Variants in CFAP299 observed in about 807,000 individuals in gnomAD.
CFAP299 encodes the protein cilia and flagella associated protein 299, also known as cilia- and flagella-associated protein 299.
A neutral mutation model predicts 27.0 loss-of-function variants in CFAP299; 21 were observed. The observed-to-expected ratio is 0.78, with a 90% CI of 0.55 to 1.12. CFAP299 has a LOEUF of 1.12. Ranked by LOEUF, CFAP299 falls within the 50% of genes most tolerant of loss-of-function variation. CFAP299 has a pLI of 0.00. For synonymous variants in CFAP299, 104 were observed against 98.1 expected, an observed-to-expected ratio of 1.06 and a Z score of -0.36; for missense variants, 310 against 276.6, an observed-to-expected ratio of 1.12 and a Z score of -0.86.
chr4:80,918,475 C>A (rs1032194303), intron 4 of CFAP299, among the ~76,000 whole-genome samples: 1 of 151,902 alleles, frequency 6.6e-6, no homozygotes, highest in Non-Finnish European at 1.5e-5. Context: ...TGTGTTTTCC[C>A]GACAATGTTC....
At chr4:80,602,834 A>G (rs912945279) in intron 3 of CFAP299, among the ~76,000 whole-genome samples, 1 of 152,146 alleles carries the variant, frequency 6.6e-6, no homozygotes, top group African/African-American at 2.4e-5. Context: ...ATGAGGCATT[A>G]CTGACTCAAG....
At chr4:80,934,117 T>C (rs140153237) in intron 4 of CFAP299, among the ~76,000 whole-genome samples, 2 of 152,244 alleles carry the variant, frequency 1.3e-5, no homozygotes, top group East Asian at 1.9e-4. Context: ...TATTACTTTA[T>C]TGAGAGTTTT....
intron 2 of CFAP299, among the ~76,000 whole-genome samples, chr4:80,390,610 CAT>C (rs1416961189): frequency 3.5e-5 from 1 of 28,686 alleles, no homozygotes; most frequent in Non-Finnish European, 7.2e-5. Flanking sequence ...TGTATACACA[CAT>C]ATGTATATAT....
In CFAP299 at chr4:80,362,793, C is replaced by G; in HGVS notation, c.151C>G (p.Arg51Gly). ...CCGCCAGTTGGTGGAGCTAGGCTACCGAGGGACTGGAGAGAGAGTGAAAAG... is the reference window on the plus strand; with the variant it reads ...CCGCCAGTTGGTGGAGCTAGGCTACGGAGGGACTGGAGAGAGAGTGAAAAG... ...LARQLVELGYRGTGERVKRED... is the reference protein window; with the variant it reads ...LARQLVELGYGGTGERVKRED... Residue 51 changes from arginine (R) to glycine (G), a missense_variant, in exon 2 of 6, where the codon CGA (arginine) becomes GGA (glycine). Arg to Gly is a moderately radical substitution (Grantham distance 125, BLOSUM62 -2). Transcript: ENST00000358105. 6.2e-7 allele frequency: 1 copy of G among 1,612,520 alleles called. No individual in the cohort carries two copies. The highest frequency in any genetic ancestry group is 1.7e-4 in the Middle Eastern group (1 of 6,054).
At chr4:80,837,988 T>C (rs763719032) in intron 3 of CFAP299, among the ~76,000 whole-genome samples, 8 of 152,218 alleles carry the variant, frequency 5.3e-5, no homozygotes, top group African/African-American at 1.7e-4. Context: ...TGGTATCTCA[T>C]TGTGGTTTTA....
At chr4:80,777,559 C>T (rs1726623217) in intron 3 of CFAP299, among the ~76,000 whole-genome samples, 1 of 152,110 alleles carries the variant, frequency 6.6e-6, no homozygotes, top group South Asian at 2.1e-4. Flanking sequence ...AATCTTAGTT[C>T]TATCACTTCT....
chr4:80,797,339 T>C (rs1560414977), intron 3 of CFAP299, among the ~76,000 whole-genome samples: 1 of 152,180 alleles, frequency 6.6e-6, no homozygotes, highest in Non-Finnish European at 1.5e-5. Context: ...GGGGCCATGA[T>C]TCTATTTTTA....
chr4:80,879,516 GAA>G (rs1372013958), intron 4 of CFAP299, among the ~76,000 whole-genome samples: 14 of 152,126 alleles, frequency 9.2e-5, no homozygotes, highest in Non-Finnish European at 1.6e-4. Flanking sequence ...TTTAGCTGTA[GAA>G]GTGACAGTAT....
At chr4:80,760,268 AACT>A (rs1430315123) in intron 3 of CFAP299, among the ~76,000 whole-genome samples, 2 of 152,202 alleles carry the variant, frequency 1.3e-5, no homozygotes, top group African/African-American at 2.4e-5. Flanking sequence ...AGAAAAGCAG[AACT>A]ACTGTGAAAA....
At position 80,571,174 on chromosome 4, in the gene CFAP299, C is replaced by T. The variant is rs142100982; in HGVS notation, c.243-11919C>T. ...TGGGAAAATGGAGTTGTGAGCAGGACGGAGTGATCAGCGGCTTCTATCTAA... is the reference window on the plus strand; with the variant it reads ...TGGGAAAATGGAGTTGTGAGCAGGATGGAGTGATCAGCGGCTTCTATCTAA... On this transcript the variant is annotated intron_variant, in intron 2 of 5. Coordinates refer to ENST00000358105, the MANE Select transcript of CFAP299 (RefSeq NM_152770.3). Among the ~76,000 whole-genome samples the T allele has an allele frequency of 2.6e-3, 391 of 152,050 alleles. 2 individuals carry two copies. Among genetic ancestry groups the T allele is most frequent in the Non-Finnish European group, 4.2e-3 (287 of 67,968 alleles).
intron 3 of CFAP299, among the ~76,000 whole-genome samples, chr4:80,601,436 T>G (rs1485128885): frequency 6.6e-6 from 1 of 152,202 alleles, no homozygotes; most frequent in East Asian, 1.9e-4. Flanking sequence ...TTTGAGGGCA[T>G]TATTTACTAT....
At chr4:80,452,284 C>T (rs1297349893) in intron 2 of CFAP299, among the ~76,000 whole-genome samples, 4 of 152,052 alleles carry the variant, frequency 2.6e-5, no homozygotes, top group Non-Finnish European at 4.4e-5. Flanking sequence ...CATTCTGTTA[C>T]GACCAACAGG....
Position 80,442,532 on chromosome 4 carries a change from G to A in CFAP299, c.242+79648G>A, listed in dbSNP as rs368014402. 3.3e-4 allele frequency among the ~76,000 whole-genome samples: 50 copies of A among 152,274 alleles called. No individual in the cohort carries two copies. In the South Asian group the frequency reaches 0.01, roughly 31 times the overall value. ...ATGAGAAAAAAGACACAACATACCAGAATCTCTGGGACACAGCTAAAGCAG... is the reference window on the plus strand; with the variant it reads ...ATGAGAAAAAAGACACAACATACCAAAATCTCTGGGACACAGCTAAAGCAG... On this transcript the variant is annotated intron_variant, in intron 2 of 5. Coordinates refer to ENST00000358105, the MANE Select transcript of CFAP299 (RefSeq NM_152770.3).
chr4:80,411,290 A>G (rs1015111411), intron 2 of CFAP299, among the ~76,000 whole-genome samples: 3 of 152,204 alleles, frequency 2.0e-5, no homozygotes, highest in Non-Finnish European at 2.9e-5. Context: ...ACAGCAATCC[A>G]TATGTATAAA....
At position 80,371,692 on chromosome 4, in the gene CFAP299, G is replaced by GGACATAACAAAGTGATCTTTGCTCC. The variant is rs879780207; in HGVS notation, c.242+8832_242+8833insCGACATAACAAAGTGATCTTTGCTC. On this transcript the variant is annotated intron_variant, in intron 2 of 5. Coordinates refer to ENST00000358105, the MANE Select transcript of CFAP299 (RefSeq NM_152770.3). ...CACAATGCAGCCAAGTTCTTTGCTA[G>GGACATAACAAAGTGATCTTTGCTCC]GACATAACAAAGTGATCTTTGCTCT... Among the ~76,000 whole-genome samples the GGACATAACAAAGTGATCTTTGCTCC allele has an allele frequency of 6.2e-3, 943 of 152,280 alleles. 2 individuals are homozygous for GGACATAACAAAGTGATCTTTGCTCC. The highest frequency in any genetic ancestry group is 0.024 in the Middle Eastern group (7 of 294).
chr4:80,726,041 TATTA>T (rs1351212829), intron 3 of CFAP299, among the ~76,000 whole-genome samples: 2 of 152,246 alleles, frequency 1.3e-5, no homozygotes, highest in Non-Finnish European at 2.9e-5. Flanking sequence ...TTTTCTGCTC[TATTA>T]ATTAGTGGTC....
intron 2 of CFAP299, among the ~76,000 whole-genome samples, chr4:80,543,722 T>C (rs551961838): frequency 3.2e-4 from 48 of 152,374 alleles, no homozygotes; most frequent in Non-Finnish European, 2.5e-4. Flanking sequence ...TCGTTCTGCA[T>C]TCCTGCAAGA....
the CFAP299 span, among the ~76,000 whole-genome samples, chr4:80,328,666 T>C: frequency 6.6e-6 from 1 of 152,144 alleles, no homozygotes; most frequent in Non-Finnish European, 1.5e-5. Context: ...AGACTCGTGG[T>C]CATGAATTAG....
intron 3 of CFAP299, among the ~76,000 whole-genome samples, chr4:80,862,592 C>T (rs765292808): frequency 9.9e-5 from 15 of 151,970 alleles, no homozygotes; most frequent in Non-Finnish European, 2.1e-4. Context: ...TGTCCATGAC[C>T]TTTTGCAATG....
Sources: gnomAD v4.1 joint callset for allele counts (sites outside exome capture counted in the v4.1 genomes callset) on GRCh38, gnomAD v4.1.1 for gene constraint, MANE v1.5 for transcripts, NCBI Gene and HGNC (gene_info 2026-07-23, HGNC 2026-07-21) for gene names.